Variants in WDR70 observed in about 807,000 individuals in gnomAD.
WDR70 encodes the protein WD repeat domain 70.
WDR70 carries 53 observed loss-of-function variants against 88.6 expected under a neutral mutation model. That is an observed-to-expected ratio of 0.60 (90% CI 0.48 to 0.75). The LOEUF is 0.75. WDR70 is among the 30% of genes least tolerant of loss of function. The pLI, the probability that WDR70 is intolerant of heterozygous loss-of-function variation, is 0.00. For synonymous variants in WDR70, 280 were observed against 270.0 expected (o/e 1.04, Z -0.36); for missense variants, 610 against 823.2 (o/e 0.74, Z 3.17).
intron 10 of WDR70, among the ~76,000 whole-genome samples, chr5:37,628,920 A>G (rs920155590): frequency 6.6e-6 from 1 of 152,106 alleles, no homozygotes; most frequent in Non-Finnish European, 1.5e-5. Flanking sequence ...TCACTTCCAG[A>G]TGTAAGACTC....
chr5:37,486,346 AT>A (rs34237067), intron 8 of WDR70, among the ~76,000 whole-genome samples: 58 of 146,122 alleles, frequency 4.0e-4, no homozygotes, highest in South Asian at 1.3e-3. Context: ...TTCAAATATA[AT>A]TTTTTTTTTT....
rs1220709306 is a variant in WDR70, at chr5:37,665,265, CT to C, written c.1093-32387del. On this transcript the variant is annotated intron_variant, in intron 10 of 17. Coordinates refer to ENST00000265107, the MANE Select transcript of WDR70 (RefSeq NM_018034.4). ...TATATTCTCATCACTTTGTCTCCTA[CT>C]TTACCAAATTTGAAGTCTTGTTATT... is the stretch of plus-strand genomic sequence containing the variant. Among the ~76,000 whole-genome samples, 28 of 152,282 alleles carry C rather than the reference CT, an allele frequency of 1.8e-4. No homozygotes were observed. The South Asian group carries it at 2.3e-3, about 12-fold the overall frequency.
At chr5:37,658,720 C>T (rs990180373) in intron 10 of WDR70, among the ~76,000 whole-genome samples, 1 of 152,002 alleles carries the variant, frequency 6.6e-6, no homozygotes, top group African/African-American at 2.4e-5. Context: ...GTGCTCCAAC[C>T]GTTAAGAGAA....
intron 8 of WDR70, among the ~76,000 whole-genome samples, chr5:37,507,899 T>C (rs1740609946): frequency 6.6e-6 from 1 of 152,194 alleles, no homozygotes; most frequent in African/African-American, 2.4e-5. Context: ...ATTTTCTACA[T>C]AAATGGTCAT....
In WDR70 at chr5:37,687,827, C is replaced by T. The variant is rs1451385277; in HGVS notation, c.1093-9828C>T. 3 of 517,884 alleles carry T rather than the reference C, an allele frequency of 5.8e-6. No individual in the cohort carries two copies. The Admixed American group carries it at 8.7e-5, about 15-fold the overall frequency. The allele number at this position is 517,884 out of a possible 1,614,324, so 32.1% of individuals were successfully genotyped here. On this transcript the variant is annotated intron_variant, in intron 10 of 17. Coordinates refer to ENST00000265107, the MANE Select transcript of WDR70 (RefSeq NM_018034.4). ...TATATGTCTTTCTACCTTAGAATCC[C>T]ACTCAGGGTAGTGAAAAGCACAGGG... is the stretch of plus-strand genomic sequence containing the variant.
intron 16 of WDR70, among the ~76,000 whole-genome samples, chr5:37,725,799 A>G (rs1747954796): frequency 6.6e-6 from 1 of 151,872 alleles, no homozygotes; most frequent in Non-Finnish European, 1.5e-5. Context: ...CCTCACTTCT[A>G]TTTGTCTTAT....
intron 17 of WDR70, among the ~76,000 whole-genome samples, chr5:37,732,275 C>A (rs1345088349): frequency 6.6e-6 from 1 of 152,036 alleles, no homozygotes; most frequent in Non-Finnish European, 1.5e-5. Context: ...GTTTTACAAG[C>A]TGATTTGTGG....
intron 5 of WDR70, among the ~76,000 whole-genome samples, chr5:37,410,106 C>A (rs776008031): frequency 6.6e-6 from 1 of 150,422 alleles, no homozygotes. Context: ...GTCTAAAACT[C>A]TTGGGCTCAA....
intron 9 of WDR70, among the ~76,000 whole-genome samples, chr5:37,522,137 T>C (rs1455638523): frequency 6.6e-6 from 1 of 152,172 alleles, no homozygotes; most frequent in Non-Finnish European, 1.5e-5. Flanking sequence ...GGTGAGCATT[T>C]TTCCATATGC....
intron 5 of WDR70, among the ~76,000 whole-genome samples, chr5:37,398,474 C>T (rs958228810): frequency 6.6e-6 from 1 of 152,106 alleles, no homozygotes; most frequent in African/African-American, 2.4e-5. Context: ...GAAAAGTAAT[C>T]AGAAAAGCAA....
chr5:37,722,820 AAGTAAAG>A, intron 14 of WDR70, 28 bp from the exon 15 acceptor site: 1 of 1,601,836 alleles, frequency 6.2e-7, no homozygotes, highest in South Asian at 1.1e-5. Context: ...TTCTAAGACC[AAGTAAAG>A]AAAATAATTT....
chr5:37,474,411 T>C (rs1219748394), intron 7 of WDR70, among the ~76,000 whole-genome samples: 1 of 152,220 alleles, frequency 6.6e-6, no homozygotes, highest in Non-Finnish European at 1.5e-5. Context: ...GATGTTGAAA[T>C]CTCCGAGTGT....
At chr5:37,459,553 G>A (rs1738935232) in intron 7 of WDR70, among the ~76,000 whole-genome samples, 2 of 78,616 alleles carry the variant, frequency 2.5e-5, no homozygotes, top group Non-Finnish European at 5.5e-5. Context: ...ATGGATTAAA[G>A]ATTTAAACGT....
chr5:37,609,480 T>C (rs1172586131), intron 10 of WDR70, among the ~76,000 whole-genome samples: 1 of 152,232 alleles, frequency 6.6e-6, no homozygotes, highest in Non-Finnish European at 1.5e-5. Flanking sequence ...TTTCTTATCT[T>C]GCAATTACTG....
intron 10 of WDR70, among the ~76,000 whole-genome samples, chr5:37,678,944 T>G (rs1746328244): frequency 6.6e-6 from 1 of 152,364 alleles, no homozygotes; most frequent in African/African-American, 2.4e-5. Flanking sequence ...TTTATTCTTT[T>G]TTCTCTAAAC....
chr5:37,536,123 T>G (rs1334652878), intron 9 of WDR70, among the ~76,000 whole-genome samples: 2 of 152,176 alleles, frequency 1.3e-5, no homozygotes, highest in African/African-American at 4.8e-5. Context: ...GTGATGAGGA[T>G]TATCTTACTC....
chr5:37,678,592 G>T (rs1171451553), intron 10 of WDR70, among the ~76,000 whole-genome samples: 1 of 152,144 alleles, frequency 6.6e-6, no homozygotes. Flanking sequence ...AGTTTCTGCC[G>T]AGAGATCCGC....
intron 8 of WDR70, among the ~76,000 whole-genome samples, chr5:37,489,434 C>T (rs1481614489): frequency 6.6e-6 from 1 of 152,130 alleles, no homozygotes; most frequent in Non-Finnish European, 1.5e-5. Context: ...CTGTGACAGA[C>T]TGGGCAGCCT....
chr5:37,602,773 T>C (rs1399308547), intron 9 of WDR70, among the ~76,000 whole-genome samples: 1 of 151,448 alleles, frequency 6.6e-6, no homozygotes, highest in Non-Finnish European at 1.5e-5. Context: ...GGTCAGGAGT[T>C]TGAGACCAGC....
Sources: allele counts gnomAD v4.1 joint callset (sites outside exome capture counted in the v4.1 genomes callset), GRCh38; gene constraint gnomAD v4.1.1; transcripts MANE v1.5; gene names NCBI Gene and HGNC (gene_info 2026-07-23, HGNC 2026-07-21).